The following ZMAT3 variants were observed in gnomAD, a reference collection of about 807,000 sequenced individuals.
ZMAT3 encodes zinc finger matrin-type 3.
ZMAT3 carries 17 observed loss-of-function variants against 32.3 expected under a neutral mutation model. That is an observed-to-expected ratio of 0.53 (90% CI 0.36 to 0.79). The LOEUF is 0.79. Ranked by LOEUF, ZMAT3 falls within the 30% of genes least tolerant of loss-of-function variation. The probability of loss-of-function intolerance (pLI) is 0.00; values close to 1 mark genes in which losing one functional copy is unlikely to be tolerated. For synonymous variants in ZMAT3, 120 were observed against 133.1 expected (o/e 0.90, Z 0.68); for missense variants, 329 against 359.7 (o/e 0.91, Z 0.69).
chr3:179,031,082 T>C (rs1270858667), intron 2 of ZMAT3, 83 bp from the exon 3 acceptor site: 7 of 1,240,446 alleles, frequency 5.6e-6, no homozygotes, highest in Non-Finnish European at 7.6e-6. Flanking sequence ...TCAACTGTGG[T>C]CCAAAAATAT....
At chr3:179,031,924 ACTCTC>A (rs1461987278) in intron 2 of ZMAT3, among the ~76,000 whole-genome samples, 3 of 29,782 alleles carry the variant, frequency 1.0e-4, no homozygotes, top group African/African-American at 1.2e-4. Context: ...AAAAAAAAAA[ACTCTC>A]CCTCTCCCTC....
chr3:179,059,890 GGTGACC>G (rs1336028368), intron 2 of ZMAT3, among the ~76,000 whole-genome samples: 1 of 152,192 alleles, frequency 6.6e-6, no homozygotes, highest in Non-Finnish European at 1.5e-5. Context: ...TAGCTGGGAA[GGTGACC>G]GTGTCCACCT....
At chr3:179,065,905 CA>C (rs61282018) in intron 2 of ZMAT3, among the ~76,000 whole-genome samples, 7 of 149,456 alleles carry the variant, frequency 4.7e-5, no homozygotes, top group South Asian at 2.1e-4. Context: ...GACTCTGTCT[CA>C]AAAAAAAATA....
chr3:179,032,258 C>A (rs1370531257), intron 2 of ZMAT3, among the ~76,000 whole-genome samples: 1 of 151,832 alleles, frequency 6.6e-6, no homozygotes, highest in Non-Finnish European at 1.5e-5. Flanking sequence ...CCAGCCTCGG[C>A]CTCCCGAGGT....
chr3:179,030,489 G>T (rs1260704016), intron 3 of ZMAT3, among the ~76,000 whole-genome samples: 8 of 151,738 alleles, frequency 5.3e-5, no homozygotes, highest in Admixed American at 5.3e-4. Flanking sequence ...CGAGCAGCTG[G>T]GACTACAGGT....
chr3:179,062,407 T>A (rs1721194372), intron 2 of ZMAT3, among the ~76,000 whole-genome samples: 1 of 152,174 alleles, frequency 6.6e-6, no homozygotes, highest in African/African-American at 2.4e-5. Context: ...TGGGCATAGT[T>A]TTTGATTGAG....
chr3:179,043,147 C>T (rs1253063907), intron 2 of ZMAT3, among the ~76,000 whole-genome samples: 3 of 152,134 alleles, frequency 2.0e-5, no homozygotes, highest in South Asian at 4.1e-4. Context: ...AGCCATACTG[C>T]CCAAGGTAAT....
At chr3:179,052,762 G>C (rs1720635610) in intron 2 of ZMAT3, among the ~76,000 whole-genome samples, 1 of 152,150 alleles carries the variant, frequency 6.6e-6, no homozygotes, top group African/African-American at 2.4e-5. Flanking sequence ...TGTGGATAAA[G>C]AAAATGTGGC....
chr3:179,071,907 C>CGGTAGCAGT (rs1232543345), upstream of ZMAT3: 1 of 152,584 alleles, frequency 6.6e-6, no homozygotes, highest in Non-Finnish European at 1.5e-5. Flanking sequence ...GCGGTGGCAG[C>CGGTAGCAGT]GGTAGCAGTG....
rs1718501798 is a variant in ZMAT3, at chr3:179,020,723, C to G, written c.*4294G>C. On this transcript the variant is annotated 3_prime_UTR_variant, in exon 6 of 6. Transcript: ENST00000311417. Reference sequence around the variant, plus strand: ...AGGTTCCAAAACCACCCTTCCTAGCCCTCCCTGTAGAAAATACCATGTTGC... The same window carrying G: ...AGGTTCCAAAACCACCCTTCCTAGCGCTCCCTGTAGAAAATACCATGTTGC... 1 of 152,210 alleles carries G rather than the reference C, an allele frequency of 6.6e-6. No individual in the cohort carries two copies. The highest frequency in any genetic ancestry group is 6.5e-5 in the Admixed American group (1 of 15,276). The allele number at this position is 152,210 out of a possible 1,614,324, so 9.4% of individuals were successfully genotyped here. A position where few individuals can be genotyped will look rare whatever the true frequency, so the allele number is the denominator to read the frequency against.
intron 3 of ZMAT3, among the ~76,000 whole-genome samples, chr3:179,030,440 C>T (rs1047504580): frequency 9.9e-5 from 15 of 151,368 alleles, no homozygotes; most frequent in Middle Eastern, 3.4e-3. Flanking sequence ...CTGCAAGCTC[C>T]GCCTCCCGGG....
rs1352387528 is a variant in ZMAT3 at position 179,022,149 on chromosome 3, C to A, written c.*2868G>T. 6.6e-6 allele frequency: 1 copy of A among 152,128 alleles called. No homozygotes were observed. The highest frequency in any genetic ancestry group is 1.5e-5 in the Non-Finnish European group (1 of 68,014). 9.4% of individuals were successfully genotyped at this position (152,128 alleles called of 1,614,324 possible). A position where few individuals can be genotyped will look rare whatever the true frequency, so the allele number is the denominator to read the frequency against. The stretch of plus-strand genomic sequence containing the variant: ...TTCTTTAAAAGAAAATGTGCTTATG[C>A]ATTCATAACATCCATTAAGGGCACT... On this transcript the variant is annotated 3_prime_UTR_variant, in exon 6 of 6. Transcript: ENST00000311417.
At chr3:179,062,858 C>T (rs951634705) in intron 2 of ZMAT3, among the ~76,000 whole-genome samples, 5 of 152,172 alleles carry the variant, frequency 3.3e-5, no homozygotes, top group Non-Finnish European at 7.3e-5. Flanking sequence ...CAAGGTCCTA[C>T]AGCAAGTTAC....
chr3:179,038,073 G>A (rs546664164), intron 2 of ZMAT3, among the ~76,000 whole-genome samples: 1 of 152,274 alleles, frequency 6.6e-6, no homozygotes, highest in South Asian at 2.1e-4. Flanking sequence ...GCTTTTCTGG[G>A]GAGATACATG....
At chr3:179,035,897 G>C (rs894004445) in intron 2 of ZMAT3, among the ~76,000 whole-genome samples, 1 of 152,162 alleles carries the variant, frequency 6.6e-6, no homozygotes, top group Non-Finnish European at 1.5e-5. Context: ...TTACAGGGGA[G>C]GTAAGCAATA....
chr3:179,036,626 G>A (rs1348712740), intron 2 of ZMAT3, among the ~76,000 whole-genome samples: 1 of 151,966 alleles, frequency 6.6e-6, no homozygotes, highest in African/African-American at 2.4e-5. Flanking sequence ...AAAGGTGTGG[G>A]GAGGAAAAAA....
chr3:179,024,836 C>A lies in ZMAT3; in HGVS notation c.*181G>T, dbSNP rs1718773642. On this transcript the variant is annotated 3_prime_UTR_variant, in exon 6 of 6. Coordinates refer to ENST00000311417, the MANE Select transcript of ZMAT3 (RefSeq NM_022470.4). ...ACCTAAGAAGCACGTTCTTCACACC[C>A]ACCTCCCCCCGCCCCGCCCCCGGGC... 1.1e-4 allele frequency: 68 copies of A among 606,730 alleles called. 1 individual carries two copies. The South Asian group carries it at 1.3e-3, about 12-fold the overall frequency. The allele number at this position is 606,730 out of a possible 1,614,324, so 37.6% of individuals were successfully genotyped here.
chr3:179,064,288 G>T (rs61798204), intron 2 of ZMAT3, among the ~76,000 whole-genome samples: 11,173 of 152,240 alleles, frequency 0.073, 436 homozygotes, highest in Middle Eastern at 0.15. Context: ...GCTTGGTAAT[G>T]CTCTGTATTA....
chr3:179,067,426 G>A, intron 2 of ZMAT3, 57 bp downstream of exon 2: 2 of 1,575,638 alleles, frequency 1.3e-6, no homozygotes, highest in Non-Finnish European at 1.7e-6. Flanking sequence ...CTGCTAAATA[G>A]CCAGAGCCCT....
Sources: gnomAD v4.1 joint callset for allele counts (sites outside exome capture counted in the v4.1 genomes callset) on GRCh38, gnomAD v4.1.1 for gene constraint, MANE v1.5 for transcripts, NCBI Gene and HGNC (gene_info 2026-07-23, HGNC 2026-07-21) for gene names.